Variants in LYPD6 observed in about 807,000 individuals in gnomAD.
LYPD6 encodes LY6/PLAUR domain containing 6.
A neutral mutation model predicts 22.7 loss-of-function variants in LYPD6; 15 were observed. The observed-to-expected ratio is 0.66, with a 90% CI of 0.44 to 1.02. The LOEUF (loss-of-function observed/expected upper bound fraction) is 1.02, where lower values mean the gene tolerates loss of function less well. LYPD6 is among the 50% of genes least tolerant of loss of function. The pLI, the probability that LYPD6 is intolerant of heterozygous loss-of-function variation, is 0.00. For synonymous variants in LYPD6, 72 were observed against 77.5 expected (o/e 0.93, Z 0.37); for missense variants, 189 against 208.4 (o/e 0.91, Z 0.57).
intron 1 of LYPD6, among the ~76,000 whole-genome samples, chr2:149,333,365 C>A (rs1055076256): frequency 1.3e-5 from 2 of 152,186 alleles, no homozygotes; most frequent in Non-Finnish European, 2.9e-5. Context: ...TTACTTGTGT[C>A]ATTGCATACT....
intron 3 of LYPD6, among the ~76,000 whole-genome samples, chr2:149,455,519 A>G (rs532760965): frequency 1.3e-5 from 2 of 152,216 alleles, no homozygotes; most frequent in South Asian, 4.2e-4. Flanking sequence ...CGGCCTTCCA[A>G]AGTGCTGGGA....
At chr2:149,421,887 A>T (rs1280930898) in intron 1 of LYPD6, among the ~76,000 whole-genome samples, 1 of 152,022 alleles carries the variant, frequency 6.6e-6, no homozygotes, top group African/African-American at 2.4e-5. Flanking sequence ...TCTGCCCCAG[A>T]CCTTCCCTAA....
At chr2:149,350,628 T>TTTCCAATACGTGGGTAGATGC (rs1256558579) in intron 1 of LYPD6, among the ~76,000 whole-genome samples, 5 of 152,348 alleles carry the variant, frequency 3.3e-5, no homozygotes, top group South Asian at 4.1e-4. Flanking sequence ...ATGTATGTAC[T>TTTCCAATACGTGGGTAGATGC]TTCCAATACG....
intron 1 of LYPD6, among the ~76,000 whole-genome samples, chr2:149,392,335 G>T (rs1573766262): frequency 6.6e-6 from 1 of 152,224 alleles, no homozygotes; most frequent in Admixed American, 6.5e-5. Context: ...TGTGGAGGAA[G>T]ATCGCACTCC....
chr2:149,485,493 T>C, the LYPD6 span, among the ~76,000 whole-genome samples: 3 of 152,192 alleles, frequency 2.0e-5, no homozygotes, highest in Admixed American at 2.0e-4. Context: ...TTGCTGGTCC[T>C]GTGCCACATG....
chr2:149,471,492 G>C lies in LYPD6; in HGVS notation c.*642G>C, dbSNP rs1573836418. The C allele has an allele frequency of 6.6e-6, 1 of 152,210 alleles. No homozygotes were observed. The highest frequency in any genetic ancestry group is 1.5e-5 in the Non-Finnish European group (1 of 68,052). 9.4% of individuals were successfully genotyped at this position (152,210 alleles called of 1,614,324 possible). A position where few individuals can be genotyped will look rare whatever the true frequency, so the allele number is the denominator to read the frequency against. On this transcript the variant is annotated 3_prime_UTR_variant, in exon 5 of 5. Transcript: ENST00000334166. ...GCAATCATAAAAGTTTGTTATATTTGTGGGGGTGCCTGGAGGAGGATTTTC... is the reference window on the plus strand; with the variant it reads ...GCAATCATAAAAGTTTGTTATATTTCTGGGGGTGCCTGGAGGAGGATTTTC...
chr2:149,405,419 A>C (rs1682677594), intron 1 of LYPD6, among the ~76,000 whole-genome samples: 1 of 152,132 alleles, frequency 6.6e-6, no homozygotes. Context: ...AGAGCCTGTT[A>C]TTGGTCTATT....
intron 1 of LYPD6, among the ~76,000 whole-genome samples, chr2:149,417,354 A>T (rs563236923): frequency 7.0e-4 from 106 of 152,340 alleles, no homozygotes; most frequent in Non-Finnish European, 1.1e-3. Context: ...GGAACCATTG[A>T]CAGTTTCTAA....
At chr2:149,343,892 G>GA (rs5835273) in intron 1 of LYPD6, among the ~76,000 whole-genome samples, 9,259 of 147,732 alleles carry the variant, frequency 0.063, 331 homozygotes, top group Non-Finnish European at 0.071. Flanking sequence ...GATATTACAG[G>GA]AAAAAAAAAA....
chr2:149,484,059 C>A, the LYPD6 span, among the ~76,000 whole-genome samples: 1 of 152,218 alleles, frequency 6.6e-6, no homozygotes, highest in Non-Finnish European at 1.5e-5. Flanking sequence ...TAACTCTGGG[C>A]ACACAGTGAG....
intron 1 of LYPD6, among the ~76,000 whole-genome samples, chr2:149,388,544 A>G (rs1213022430): frequency 6.6e-6 from 1 of 152,098 alleles, no homozygotes; most frequent in South Asian, 2.1e-4. Flanking sequence ...GAAGGTCCTT[A>G]TGCAAAGATG....
At chr2:149,435,881 G>A (rs999627122) in intron 1 of LYPD6, among the ~76,000 whole-genome samples, 1 of 152,128 alleles carries the variant, frequency 6.6e-6, no homozygotes, top group Non-Finnish European at 1.5e-5. Context: ...CTAACAATTT[G>A]CCAATTAAAA....
chr2:149,359,280 T>C (rs1469697456), intron 1 of LYPD6, among the ~76,000 whole-genome samples: 4 of 152,200 alleles, frequency 2.6e-5, no homozygotes, highest in African/African-American at 4.8e-5. Flanking sequence ...TCCAGGCTAA[T>C]GGGAGAAGCA....
intron 1 of LYPD6, among the ~76,000 whole-genome samples, chr2:149,404,534 TG>T (rs1682648326): frequency 6.6e-6 from 1 of 152,142 alleles, no homozygotes; most frequent in Non-Finnish European, 1.5e-5. Context: ...GCTCTCTGTT[TG>T]TCTGTTATTG....
intron 4 of LYPD6, among the ~76,000 whole-genome samples, 179 bp from the exon 5 acceptor site, chr2:149,470,504 A>T (rs1681308142): frequency 6.6e-6 from 1 of 152,168 alleles, no homozygotes; most frequent in Non-Finnish European, 1.5e-5. Context: ...CATGTTGACC[A>T]GATTGCTTCT....
At chr2:149,334,772 T>C (rs1183717342) in intron 1 of LYPD6, among the ~76,000 whole-genome samples, 3 of 149,574 alleles carry the variant, frequency 2.0e-5, no homozygotes, top group East Asian at 2.0e-4. Flanking sequence ...TTTTTTTTTT[T>C]CTGAAGAAGG....
intron 2 of LYPD6, among the ~76,000 whole-genome samples, chr2:149,438,094 A>G (rs2105150696): frequency 6.6e-6 from 1 of 152,308 alleles, no homozygotes; most frequent in Non-Finnish European, 1.5e-5. Context: ...CCTTGTACTC[A>G]TGCCAGTCCT....
intron 1 of LYPD6, among the ~76,000 whole-genome samples, chr2:149,374,196 C>T (rs566087873): frequency 6.6e-6 from 1 of 152,074 alleles, no homozygotes; most frequent in Non-Finnish European, 1.5e-5. Flanking sequence ...AGGCTCACAT[C>T]ACTTTATTTC....
At chr2:149,432,431 C>T (rs1683334609) in intron 1 of LYPD6, among the ~76,000 whole-genome samples, 1 of 145,912 alleles carries the variant, frequency 6.9e-6, no homozygotes, top group African/African-American at 2.5e-5. Flanking sequence ...TGCTTTCTTT[C>T]TGTTTCCTGA....
Sources: allele counts gnomAD v4.1 joint callset (sites outside exome capture counted in the v4.1 genomes callset), GRCh38; gene constraint gnomAD v4.1.1; transcripts MANE v1.5; gene names NCBI Gene and HGNC (gene_info 2026-07-23, HGNC 2026-07-21).